YTHDF2: variants seen among roughly 807,000 people sequenced by gnomAD.
YTHDF2 encodes YTH domain-containing family protein 2.
YTHDF2 carries 2 observed loss-of-function variants against 50.4 expected under a neutral mutation model. The ratio of observed to expected loss-of-function variants is 0.04; its 90% confidence interval spans 0.02 to 0.12. YTHDF2 has a LOEUF of 0.12. Ranked by LOEUF, YTHDF2 falls within the 10% of genes least tolerant of loss-of-function variation. The pLI, the probability that YTHDF2 is intolerant of heterozygous loss-of-function variation, is 1.00. For missense variants in YTHDF2, 483 were observed against 722.6 expected, an observed-to-expected ratio of 0.67 and a Z score of 3.80; for synonymous variants, 217 against 255.6, an observed-to-expected ratio of 0.85 and a Z score of 1.44.
At chr1:28,739,838 T>G (rs988528414) in intron 3 of YTHDF2, among the ~76,000 whole-genome samples, 5 of 152,234 alleles carry the variant, frequency 3.3e-5, no homozygotes, top group African/African-American at 1.2e-4. Context: ...TTCTTTTGTA[T>G]TATTATCTCT....
intron 4 of YTHDF2, among the ~76,000 whole-genome samples, chr1:28,745,900 A>G (rs1311254528): frequency 1.3e-5 from 2 of 151,648 alleles, no homozygotes; most frequent in Non-Finnish European, 2.9e-5. Flanking sequence ...TTAGCTGGGC[A>G]TGGTGGCACA....
intron 4 of YTHDF2, among the ~76,000 whole-genome samples, chr1:28,757,117 TAAAC>T (rs1354577660): frequency 6.6e-6 from 1 of 152,194 alleles, no homozygotes; most frequent in Non-Finnish European, 1.5e-5. Context: ...CCTTGCGGAA[TAAAC>T]AAATAGTCCC....
intron 4 of YTHDF2, among the ~76,000 whole-genome samples, chr1:28,754,385 C>T (rs1310735850): frequency 6.6e-6 from 1 of 152,034 alleles, no homozygotes; most frequent in Admixed American, 6.6e-5. Flanking sequence ...AAAAAATTAG[C>T]CGGGCGTGGT....
At chr1:28,757,731 A>G (rs2088055199) in intron 4 of YTHDF2, among the ~76,000 whole-genome samples, 1 of 149,434 alleles carries the variant, frequency 6.7e-6, no homozygotes, top group African/African-American at 2.6e-5. Context: ...AAAAGCGTAG[A>G]AAACAAAAGA....
intron 4 of YTHDF2, among the ~76,000 whole-genome samples, chr1:28,765,317 T>TA (rs1166913899): frequency 1.3e-5 from 2 of 152,112 alleles, no homozygotes; most frequent in East Asian, 3.9e-4. Context: ...ATATAAACAT[T>TA]AAAGTGTTAT....
In YTHDF2 at chr1:28,737,004, G is replaced by A; in HGVS notation, c.-117G>A. 3 of 1,315,104 alleles carry A rather than the reference G, an allele frequency of 2.3e-6. No individual in the cohort carries two copies. The highest frequency in any genetic ancestry group is 3.1e-6 in the Non-Finnish European group (3 of 956,996). The allele number at this position is 1,315,104 out of a possible 1,614,324, so 81.5% of individuals were successfully genotyped here. On this transcript the variant is annotated 5_prime_UTR_variant, in exon 1 of 5. Transcript: ENST00000373812. ...CTGTGTCTCCGCTGCGTCCGCCGAG[G>A]CCCCCGAGTGTCAGGGACAAAAGCC...
rs371730633 is a variant in YTHDF2 at position 28,749,986 on chromosome 1, G to GTTTTTTT, written c.1716+6015_1716+6021dup. Among the ~76,000 whole-genome samples, 88 of 78,296 alleles carry GTTTTTTT rather than the reference G, an allele frequency of 1.1e-3. 1 individual carries two copies. The highest frequency in any genetic ancestry group is 1.3e-3 in the Non-Finnish European group (57 of 44,608). 51.4% of individuals were successfully genotyped at this position (78,296 alleles called of 152,430 possible). On this transcript the variant is annotated intron_variant, in intron 4 of 4. Coordinates refer to ENST00000373812, the MANE Select transcript of YTHDF2 (RefSeq NM_016258.3). ...ATTGAAATTTTTGAAAAAAAAGGTT[G>GTTTTTTT]TTTTTTTTTTTTTTTTTTTTTGAGA...
intron 4 of YTHDF2, among the ~76,000 whole-genome samples, chr1:28,757,953 TA>T (rs1171991148): frequency 6.6e-6 from 1 of 152,188 alleles, no homozygotes. Context: ...TCTCTTGTAA[TA>T]ATCCTGTAAA....
intron 3 of YTHDF2, among the ~76,000 whole-genome samples, chr1:28,741,292 C>G (rs2087772139): frequency 1.3e-5 from 2 of 152,056 alleles, no homozygotes; most frequent in African/African-American, 4.8e-5. Flanking sequence ...GCCACTGTGC[C>G]CGGCCTGTTT....
chr1:28,739,322 T>TC (rs1465346920), intron 3 of YTHDF2: 5 of 151,652 alleles, frequency 3.3e-5, no homozygotes, highest in Non-Finnish European at 2.9e-5. Context: ...TTTTTTTTTT[T>TC]TTTTTTTTGA....
intron 4 of YTHDF2, among the ~76,000 whole-genome samples, chr1:28,753,357 C>A (rs9426395): frequency 0.98 from 40,081 of 40,732 alleles, 19,715 homozygotes; most frequent in Middle Eastern, 1. Flanking sequence ...TCCTGCCTCT[C>A]CAAAAAAAAA....
intron 3 of YTHDF2, among the ~76,000 whole-genome samples, chr1:28,741,896 TCTTTA>T (rs771730746): frequency 9.1e-4 from 139 of 152,348 alleles, no homozygotes; most frequent in Non-Finnish European, 1.6e-3. Context: ...CTAAGTTTTC[TCTTTA>T]CTTAGTTGTA....
chr1:28,746,970 T>G (rs2087872889), intron 4 of YTHDF2, among the ~76,000 whole-genome samples: 1 of 151,628 alleles, frequency 6.6e-6, no homozygotes, highest in Non-Finnish European at 1.5e-5. Flanking sequence ...TAATCCCAGC[T>G]ACTTGGGAGG....
chr1:28,760,725 C>T (rs958233029), intron 4 of YTHDF2, among the ~76,000 whole-genome samples: 10 of 152,062 alleles, frequency 6.6e-5, no homozygotes, highest in East Asian at 3.9e-4. Context: ...GGACTACAGC[C>T]GCGTGCCACT....
At chr1:28,737,168 C>A in intron 1 of YTHDF2, 21 bp downstream of exon 1, 1 of 1,575,762 alleles carries the variant, frequency 6.3e-7, no homozygotes. Context: ...GGCCCGCATG[C>A]CTCGGCCATT....
chr1:28,769,043 A>C lies in YTHDF2; in HGVS notation c.*91A>C. 8.8e-7 allele frequency: 1 copy of C among 1,138,054 alleles called. No homozygotes were observed. Among genetic ancestry groups the C allele is most frequent in the Non-Finnish European group, 1.2e-6 (1 of 818,390 alleles). 70.5% of individuals were successfully genotyped at this position (1,138,054 alleles called of 1,614,324 possible). A position where few individuals can be genotyped will look rare whatever the true frequency, so the allele number is the denominator to read the frequency against. ...TCAAGAGAATTAGGACTTTTTTCTT[A>C]ATTTCACTGACTTCAGAGACGATTG... is the stretch of plus-strand genomic sequence containing the variant. On this transcript the variant is annotated 3_prime_UTR_variant, in exon 5 of 5. Coordinates refer to ENST00000373812, the MANE Select transcript of YTHDF2 (RefSeq NM_016258.3).
intron 3 of YTHDF2, among the ~76,000 whole-genome samples, chr1:28,741,063 G>T (rs1334366013): frequency 6.6e-6 from 1 of 151,624 alleles, no homozygotes; most frequent in African/African-American, 2.4e-5. Context: ...CAGTGGTGCA[G>T]TCCGGCTTAC....
At chr1:28,766,594 T>C (rs2088222488) in intron 4 of YTHDF2, among the ~76,000 whole-genome samples, 1 of 152,204 alleles carries the variant, frequency 6.6e-6, no homozygotes. Context: ...CTTAATTTTT[T>C]TTTTAATACG....
chr1:28,759,575 T>C (rs1277862241), intron 4 of YTHDF2, among the ~76,000 whole-genome samples: 1 of 152,232 alleles, frequency 6.6e-6, no homozygotes, highest in Non-Finnish European at 1.5e-5. Context: ...TACAGCATGT[T>C]ACCGTACTGA....
Sources: allele counts gnomAD v4.1 joint callset (sites outside exome capture counted in the v4.1 genomes callset), GRCh38; gene constraint gnomAD v4.1.1; transcripts MANE v1.5; gene names NCBI Gene and HGNC (gene_info 2026-07-23, HGNC 2026-07-21).